IPO9: variants seen among roughly 807,000 people sequenced by gnomAD.
IPO9 encodes the protein importin-9.
In IPO9, 28 loss-of-function variants were observed where a neutral mutation model predicts 128.6. The observed-to-expected ratio is 0.22, with a 90% CI of 0.16 to 0.30. IPO9 has a LOEUF of 0.30. Among genes scored for constraint, IPO9 ranks in the 10% least tolerant of loss-of-function variants. The pLI is 1.00. For missense variants in IPO9, 935 were observed against 1,293.9 expected (o/e 0.72, Z 4.26); for synonymous variants, 455 against 475.8 (o/e 0.96, Z 0.57).
At chr1:201,863,680 A>T (rs1680494531) in intron 14 of IPO9, 73 bp downstream of exon 14, 1 of 1,374,638 alleles carries the variant, frequency 7.3e-7, no homozygotes, top group Non-Finnish European at 1.0e-6. Flanking sequence ...ACAGTTTTCC[A>T]GTGTATTATG....
chr1:201,870,697 C>A lies in IPO9; in HGVS notation c.2248C>A (p.Leu750Ile), dbSNP rs1680633457. ...LWYVMQVVSQ[L>I]LDPRTSEFTA... ...GTATGTGATGCAAGTGGTGAGCCAG[C>A]TCCTGGACCCCCGCACCTCAGAGTT... The change falls in exon 18 of 24, where the codon CTC (leucine) becomes ATC (isoleucine). Residue 750 changes from leucine to isoleucine, a missense_variant. Around this residue, in one of 3 missense-constraint regions of IPO9, gnomAD observed 741 missense variants for 1,019.1 expected, o/e 0.73. Coordinates refer to ENST00000361565, the MANE Select transcript of IPO9 (RefSeq NM_018085.5). This position sits in a 1 kb window ranked among gnomAD's most constrained non-coding sequence, Gnocchi z 4.9. 6.2e-7 allele frequency: 1 copy of A among 1,614,086 alleles called. No homozygotes were observed. Among genetic ancestry groups the A allele is most frequent in the Non-Finnish European group, 8.5e-7 (1 of 1,180,042 alleles).
chr1:201,843,359 C>A (rs1010875211), intron 1 of IPO9, among the ~76,000 whole-genome samples: 6 of 151,958 alleles, frequency 3.9e-5, no homozygotes, highest in African/African-American at 1.5e-4. Context: ...AGCCCTGGTC[C>A]TAAGACCATT....
At chr1:201,853,381 C>T (rs942144450) in intron 6 of IPO9, among the ~76,000 whole-genome samples, 1 of 151,840 alleles carries the variant, frequency 6.6e-6, no homozygotes, top group African/African-American at 2.4e-5. Context: ...GTGTGCACCA[C>T]CACACTTGGC....
chr1:201,835,774 A>G (rs1408576580), intron 1 of IPO9, among the ~76,000 whole-genome samples: 1 of 152,130 alleles, frequency 6.6e-6, no homozygotes, highest in Non-Finnish European at 1.5e-5. Context: ...TCCCAGAGTA[A>G]GTTATTAGGC....
chr1:201,836,142 A>C (rs1286624144), intron 1 of IPO9, among the ~76,000 whole-genome samples: 1 of 150,694 alleles, frequency 6.6e-6, no homozygotes, highest in Non-Finnish European at 1.5e-5. Context: ...AAAAAAAAAA[A>C]ACAGACACCA....
intron 14 of IPO9, among the ~76,000 whole-genome samples, chr1:201,863,959 A>G (rs1680504100): frequency 6.6e-6 from 1 of 152,192 alleles, no homozygotes; most frequent in Non-Finnish European, 1.5e-5. Flanking sequence ...AGTCCACATC[A>G]TTTTGTTGGT....
In IPO9 at chr1:201,853,002, T is replaced by G; in HGVS notation, c.604-9T>G. 6.2e-7 allele frequency: 1 copy of G among 1,613,376 alleles called. No individual in the cohort carries two copies. On this transcript the variant is annotated splice_polypyrimidine_tract_variant and intron_variant, in intron 5 of 23. Transcript: ENST00000361565. Reference sequence around the variant, plus strand: ...TGGCTATGCTGTTATGCTGTAACCTTTCTTCCAGGTGTATGGTATTCGAAC... The same window carrying G: ...TGGCTATGCTGTTATGCTGTAACCTGTCTTCCAGGTGTATGGTATTCGAAC...
rs908815785 is a variant in IPO9 at position 201,848,673 on chromosome 1, T to C, written c.514+79T>C. On this transcript the variant is annotated intron_variant, in intron 4 of 23. Transcript: ENST00000361565. ...TATTACCAGAAGCTATGTGATATAA[T>C]GGCCTGGACCAGTAGGAATTGCTGC... The C allele has an allele frequency of 3.6e-6, 5 of 1,399,152 alleles. No homozygotes were observed. The South Asian group carries it at 4.7e-5, about 13-fold the overall frequency. 86.7% of individuals were successfully genotyped at this position (1,399,152 alleles called of 1,614,324 possible).
At chr1:201,834,170 G>GT (rs1175613215) in intron 1 of IPO9, among the ~76,000 whole-genome samples, 1 of 145,254 alleles carries the variant, frequency 6.9e-6, no homozygotes, top group African/African-American at 2.5e-5. Flanking sequence ...TTTTTTTTAA[G>GT]TTTTTTTATT....
At chr1:201,843,501 C>G (rs1381901390) in intron 1 of IPO9, among the ~76,000 whole-genome samples, 2 of 152,336 alleles carry the variant, frequency 1.3e-5, no homozygotes, top group Middle Eastern at 3.4e-3. Context: ...GGAGCTACTT[C>G]AGGAACCAAG....
intron 1 of IPO9, among the ~76,000 whole-genome samples, chr1:201,836,414 C>G (rs889434652): frequency 6.6e-6 from 1 of 152,096 alleles, no homozygotes; most frequent in Non-Finnish European, 1.5e-5. Flanking sequence ...GAGACAAGGT[C>G]TTGCTCTGTC....
chr1:201,873,683 G>A (rs936857343), intron 20 of IPO9, among the ~76,000 whole-genome samples: 2 of 152,088 alleles, frequency 1.3e-5, no homozygotes, highest in Admixed American at 1.3e-4. Flanking sequence ...GGAGGTGGAG[G>A]TTGCAGTGAG....
At chr1:201,866,477 C>CAAAA (rs5780091) in intron 14 of IPO9, among the ~76,000 whole-genome samples, 1 of 142,604 alleles carries the variant, frequency 7.0e-6, no homozygotes, top group Non-Finnish European at 1.5e-5. Flanking sequence ...TTTCAGGATG[C>CAAAA]AAAAAAAAAA....
At chr1:201,853,560 G>GT (rs1210709591) in intron 6 of IPO9, among the ~76,000 whole-genome samples, 8 of 142,790 alleles carry the variant, frequency 5.6e-5, no homozygotes, top group South Asian at 2.3e-4. Flanking sequence ...ATTTATTTGG[G>GT]TTTTTTTTGA....
At position 201,834,213 on chromosome 1, in the gene IPO9, T is replaced by C. The variant is rs545541321; in HGVS notation, c.163+4841T>C. On this transcript the variant is annotated intron_variant, in intron 1 of 23. Coordinates refer to ENST00000361565, the MANE Select transcript of IPO9 (RefSeq NM_018085.5). ...GTAAAAAAACTTTTCTTTTCTTTTT[T>C]TTTTTTGTTGCACTGCTAAGAGTCT... Among the ~76,000 whole-genome samples, 748 of 151,772 alleles carry C rather than the reference T, an allele frequency of 4.9e-3. 5 individuals are homozygous for C. Among genetic ancestry groups the C allele is most frequent in the African/African-American group, 0.017 (706 of 41,476 alleles).
At chr1:201,847,186 T>G (rs1680137417) in intron 1 of IPO9, 93 bp from the exon 2 acceptor site, 1 of 883,904 alleles carries the variant, frequency 1.1e-6, no homozygotes, top group Admixed American at 2.1e-5. Context: ...ATTAAGTTTC[T>G]TTCTGGAATC....
rs904286262 is a variant in IPO9, at chr1:201,883,521, T to C, written c.*7467T>C. 2 of 152,070 alleles carry C rather than the reference T, an allele frequency of 1.3e-5. No homozygotes were observed. The highest frequency in any genetic ancestry group is 2.9e-5 in the Non-Finnish European group (2 of 68,016). The allele number at this position is 152,070 out of a possible 1,614,324, so 9.4% of individuals were successfully genotyped here. On this transcript the variant is annotated 3_prime_UTR_variant, in exon 24 of 24. Transcript: ENST00000361565. The stretch of plus-strand genomic sequence containing the variant: ...GATGCTGGGCCCTGGTCACCAAGGC[T>C]CCCTGGGAAGGTCTCTTGTACCTGG...
At chr1:201,852,312 A>T (rs2102877015) in intron 5 of IPO9, 120 bp downstream of exon 5, 2 of 611,836 alleles carry the variant, frequency 3.3e-6, no homozygotes, top group East Asian at 5.6e-5. Context: ...GAACTGACAA[A>T]GATCTGGATC....
chr1:201,854,591 T>C lies in IPO9; in HGVS notation c.691-4T>C, dbSNP rs1339517591. On this transcript the variant is annotated splice_polypyrimidine_tract_variant and splice_region_variant and intron_variant, in intron 6 of 23. Coordinates refer to ENST00000361565, the MANE Select transcript of IPO9 (RefSeq NM_018085.5). ...CCAGTATTGACTTTGGTTTCTGTTA[T>C]CAGGGTGCAGCCAAAGTCCTGATCT... 14 of 1,613,426 alleles carry C rather than the reference T, an allele frequency of 8.7e-6. No homozygotes were observed. Among genetic ancestry groups the C allele is most frequent in the East Asian group, 6.7e-5 (3 of 44,898 alleles).
Sources: allele counts gnomAD v4.1 joint callset (sites outside exome capture counted in the v4.1 genomes callset), GRCh38; gene constraint gnomAD v4.1.1; regional missense constraint gnomAD v4.1.1; non-coding constraint Gnocchi (gnomAD v3.1); transcripts MANE v1.5; gene names NCBI Gene and HGNC (gene_info 2026-07-23, HGNC 2026-07-21).